NKAIN2: variants seen among roughly 807,000 people sequenced by gnomAD.
NKAIN2 encodes the protein sodium/potassium transporting ATPase interacting 2.
A neutral mutation model predicts 32.6 loss-of-function variants in NKAIN2; 14 were observed. The observed-to-expected ratio is 0.43, with a 90% CI of 0.28 to 0.67. The LOEUF is 0.67. NKAIN2 is among the 30% of genes least tolerant of loss of function. The probability of loss-of-function intolerance (pLI) is 0.17; values close to 1 mark genes in which losing one functional copy is unlikely to be tolerated. For missense variants in NKAIN2, 198 were observed against 258.3 expected, an observed-to-expected ratio of 0.77 and a Z score of 1.60; for synonymous variants, 80 against 87.2, an observed-to-expected ratio of 0.92 and a Z score of 0.46.
intron 4 of NKAIN2, among the ~76,000 whole-genome samples, chr6:124,678,184 A>G (rs1310342175): frequency 2.0e-5 from 3 of 152,070 alleles, no homozygotes; most frequent in Admixed American, 6.6e-5. Flanking sequence ...ATGTGTCTCA[A>G]TGTGGATTTA....
rs187028426 is a variant in NKAIN2 at position 124,128,445 on chromosome 6, C to A, written c.55-154560C>A. ...TTTGATAGGGCAACTATAGAGCTAA[C>A]CTCTATTTAATATTTATTGGGTGTG... On this transcript the variant is annotated intron_variant, in intron 1 of 6. Transcript: ENST00000368417. Among the ~76,000 whole-genome samples the A allele has an allele frequency of 3.0e-3, 464 of 152,228 alleles. 3 individuals carry two copies. The highest frequency in any genetic ancestry group is 0.012 in the South Asian group (60 of 4,816).
chr6:123,897,077 C>A lies in NKAIN2; in HGVS notation c.54+92823C>A, dbSNP rs541449880. 1.9e-4 allele frequency among the ~76,000 whole-genome samples: 29 copies of A among 152,250 alleles called. No homozygotes were observed. The East Asian group carries it at 5.6e-3, about 29-fold the overall frequency. On this transcript the variant is annotated intron_variant, in intron 1 of 6. Transcript: ENST00000368417. ...TTCTTCCTCTTCCTCTACCACTTCT[C>A]TAATTTAAGCCAGTCCTAAACAATT...
At chr6:124,632,809 C>A (rs2114315817) in intron 3 of NKAIN2, among the ~76,000 whole-genome samples, 1 of 152,216 alleles carries the variant, frequency 6.6e-6, no homozygotes, top group South Asian at 2.1e-4. Flanking sequence ...AGACAGGAGA[C>A]AAATCTTACT....
intron 1 of NKAIN2, among the ~76,000 whole-genome samples, chr6:124,147,825 A>G (rs922695606): frequency 6.6e-6 from 1 of 152,106 alleles, no homozygotes; most frequent in Non-Finnish European, 1.5e-5. Flanking sequence ...TATCAGTAGG[A>G]GGATATTTTG....
intron 4 of NKAIN2, among the ~76,000 whole-genome samples, chr6:124,777,429 C>G (rs967627633): frequency 2.0e-5 from 3 of 152,156 alleles, no homozygotes; most frequent in African/African-American, 7.2e-5. Flanking sequence ...TTTAACTTCT[C>G]TATGCCACCA....
intron 1 of NKAIN2, among the ~76,000 whole-genome samples, chr6:124,111,469 C>T (rs1244172657): frequency 2.0e-5 from 3 of 151,894 alleles, no homozygotes; most frequent in African/African-American, 7.3e-5. Context: ...TTTTCTTTGT[C>T]TCTGAAATAG....
intron 3 of NKAIN2, among the ~76,000 whole-genome samples, chr6:124,395,343 T>C (rs1169360546): frequency 2.0e-5 from 3 of 152,192 alleles, no homozygotes; most frequent in South Asian, 4.1e-4. Flanking sequence ...TTTTACCTTT[T>C]ATACTGAAAA....
At chr6:124,229,485 T>C (rs1490040228) in intron 1 of NKAIN2, among the ~76,000 whole-genome samples, 2 of 137,436 alleles carry the variant, frequency 1.5e-5, no homozygotes, top group African/African-American at 5.4e-5. Context: ...TTTTCAAAGA[T>C]AGATAGATAG....
intron 3 of NKAIN2, among the ~76,000 whole-genome samples, chr6:124,581,328 A>C (rs1258866412): frequency 6.6e-6 from 1 of 151,264 alleles, no homozygotes; most frequent in African/African-American, 2.4e-5. Context: ...AGTCCCAGCT[A>C]CTCGGGAGGC....
In NKAIN2 at chr6:123,892,172, C is replaced by T. The variant is rs76008819; in HGVS notation, c.54+87918C>T. ...CCATTACACCTGAACACAGGCAGGT[C>T]AAACTGCATTACATACTTGGCCCCA... On this transcript the variant is annotated intron_variant, in intron 1 of 6. Coordinates refer to ENST00000368417, the MANE Select transcript of NKAIN2 (RefSeq NM_001040214.3). Among the ~76,000 whole-genome samples, 1,550 of 152,252 alleles carry T rather than the reference C, an allele frequency of 0.01. 38 individuals carry two copies. The East Asian group carries it at 0.11, about 11-fold the overall frequency.
At chr6:124,406,930 TTTC>T (rs1226458705) in intron 3 of NKAIN2, among the ~76,000 whole-genome samples, 1 of 152,032 alleles carries the variant, frequency 6.6e-6, no homozygotes, top group Non-Finnish European at 1.5e-5. Context: ...TCTTGTTCTT[TTTC>T]TTATTATTAT....
At chr6:124,814,524 C>T (rs1392905636) in intron 5 of NKAIN2, among the ~76,000 whole-genome samples, 1 of 152,104 alleles carries the variant, frequency 6.6e-6, no homozygotes, top group Admixed American at 6.6e-5. Flanking sequence ...TCAGAATGAT[C>T]ACAGTCCTTC....
intron 4 of NKAIN2, among the ~76,000 whole-genome samples, chr6:124,687,135 A>AATATATATAT (rs142235428): frequency 6.8e-6 from 1 of 147,432 alleles, no homozygotes; most frequent in Non-Finnish European, 1.5e-5. Flanking sequence ...AGCTCCCTTA[A>AATATATATAT]ATATATATAT....
intron 3 of NKAIN2, among the ~76,000 whole-genome samples, chr6:124,654,640 G>A (rs372131322): frequency 1.1e-4 from 17 of 152,274 alleles, no homozygotes; most frequent in African/African-American, 4.1e-4. Flanking sequence ...GATCATTTCA[G>A]ATGTGACTAC....
rs758139906 is a variant in NKAIN2, at chr6:124,283,125, C to T, written c.175C>T (p.Pro59Ser). The change falls in exon 2 of 7, where the codon CCT (proline) becomes TCT (serine). Residue 59 changes from proline (P) to serine (S), a missense_variant. Physicochemically the swap from Pro to Ser is moderately conservative, Grantham distance 74 (BLOSUM62 -1). Coordinates refer to ENST00000368417, the MANE Select transcript of NKAIN2 (RefSeq NM_001040214.3). The stretch of plus-strand genomic sequence containing the variant: ...TTTGTTTGGAACTATTCAATATAGA[C>T]CTCGTTACATAACAGGAGTAAGTAC... ...LGLFGTIQYR[P>S]RYITGYAVWL... 1.4e-5 allele frequency: 23 copies of T among 1,606,984 alleles called. No homozygotes were observed. Among genetic ancestry groups the T allele is most frequent in the Non-Finnish European group, 1.9e-5 (22 of 1,173,844 alleles).
intron 1 of NKAIN2, among the ~76,000 whole-genome samples, chr6:124,179,304 T>C (rs557201980): frequency 8.5e-5 from 13 of 152,284 alleles, no homozygotes; most frequent in Admixed American, 3.3e-4. Context: ...CTTTACTGTC[T>C]CATTTAACAC....
At chr6:123,837,509 CACTT>C (rs1179035988) in intron 1 of NKAIN2, among the ~76,000 whole-genome samples, 1 of 152,146 alleles carries the variant, frequency 6.6e-6, no homozygotes, top group Non-Finnish European at 1.5e-5. Context: ...AACTACTTCT[CACTT>C]ACTCTTTTAC....
chr6:123,967,085 G>C (rs1023639442), intron 1 of NKAIN2, among the ~76,000 whole-genome samples: 2 of 152,120 alleles, frequency 1.3e-5, no homozygotes, highest in East Asian at 3.9e-4. Flanking sequence ...ACTAGACACA[G>C]GACTGCTCTT....
intron 3 of NKAIN2, among the ~76,000 whole-genome samples, chr6:124,568,389 T>A (rs1322893201): frequency 1.3e-5 from 2 of 152,318 alleles, no homozygotes; most frequent in South Asian, 2.1e-4. Flanking sequence ...ATAGAGAACA[T>A]GTACTCAGTT....
Sources: gnomAD v4.1 joint callset for allele counts (sites outside exome capture counted in the v4.1 genomes callset) on GRCh38, gnomAD v4.1.1 for gene constraint, MANE v1.5 for transcripts, NCBI Gene and HGNC (gene_info 2026-07-23, HGNC 2026-07-21) for gene names.